Variants in SEC31A observed in about 807,000 individuals in gnomAD.
The protein encoded by SEC31A is SEC31 homolog A, COPII component, also known as protein transport protein Sec31A.
SEC31A carries 70 observed loss-of-function variants against 151.0 expected under a neutral mutation model. That is an observed-to-expected ratio of 0.46 (90% confidence interval 0.38 to 0.57). The LOEUF is 0.57. Ranked by LOEUF, SEC31A falls within the 20% of genes least tolerant of loss-of-function variation. The pLI is 0.00. For synonymous variants in SEC31A, 475 were observed against 505.9 expected, an observed-to-expected ratio of 0.94 and a Z score of 0.82; for missense variants, 1,330 against 1,471.2, an observed-to-expected ratio of 0.90 and a Z score of 1.57.
chr4:82,891,136 C>T lies in SEC31A; in HGVS notation c.-53G>A. 2 of 1,535,954 alleles carry T rather than the reference C, an allele frequency of 1.3e-6. No homozygotes were observed. On this transcript the variant is annotated 5_prime_UTR_variant, in exon 1 of 27. Coordinates refer to ENST00000395310, the MANE Select transcript of SEC31A (RefSeq NM_001077207.4). ...GATCCTGCGTTAGTGCAGCGCTCGT[C>T]GGACTCTCCCAGCATTCGCCGCCGC...
chr4:82,849,144 A>C (rs1193256132), intron 19 of SEC31A, among the ~76,000 whole-genome samples, 167 bp from the exon 20 acceptor site: 1 of 152,100 alleles, frequency 6.6e-6, no homozygotes, highest in Non-Finnish European at 1.5e-5. Flanking sequence ...GCTTTCTACT[A>C]CTCAAGACTG....
chr4:82,867,789 T>C (rs530444824), intron 8 of SEC31A, among the ~76,000 whole-genome samples: 2 of 152,252 alleles, frequency 1.3e-5, no homozygotes, highest in South Asian at 4.1e-4. Context: ...CCCATCATCA[T>C]GCCCGGCTAA....
Position 82,828,673 on chromosome 4 carries a change from C to CAAAAAAAAAAAAAAAAAAAA in SEC31A, c.3027+307_3027+326dup, listed in dbSNP as rs397994259. 7.9e-4 allele frequency among the ~76,000 whole-genome samples: 35 copies of CAAAAAAAAAAAAAAAAAAAA among 44,068 alleles called. 1 individual carries two copies. The highest frequency in any genetic ancestry group is 1.8e-3 in the East Asian group (2 of 1,100). The allele number at this position is 44,068 out of a possible 152,430, so 28.9% of individuals were successfully genotyped here. A position where few individuals can be genotyped will look rare whatever the true frequency, so the allele number is the denominator to read the frequency against. On this transcript the variant is annotated intron_variant, in intron 23 of 26. Transcript: ENST00000395310. ...GTAGAACCCAAAGACCAAAGTAACTCAAAAAAAAAAAAAAAAAAAAAAAAG... is the reference window on the plus strand; with the variant it reads ...GTAGAACCCAAAGACCAAAGTAACTCAAAAAAAAAAAAAAAAAAAAAAAAAAAAAAAAAAAAAAAAAAAAG...
intron 25 of SEC31A, 29 bp from the exon 26 acceptor site, chr4:82,821,137 T>C: frequency 6.4e-7 from 1 of 1,568,182 alleles, no homozygotes; most frequent in Non-Finnish European, 8.8e-7. Context: ...AGATGTTATA[T>C]TTGAACATTA....
chr4:82,867,900 T>A (rs1423132172), intron 8 of SEC31A, among the ~76,000 whole-genome samples: 1 of 152,268 alleles, frequency 6.6e-6, no homozygotes, highest in Non-Finnish European at 1.5e-5. Context: ...CCCAAAGTGC[T>A]GGGATTACAG....
At chr4:82,822,048 T>G (rs1329840247) in intron 25 of SEC31A, among the ~76,000 whole-genome samples, 1 of 152,212 alleles carries the variant, frequency 6.6e-6, no homozygotes, top group African/African-American at 2.4e-5. Flanking sequence ...CATAGCACTG[T>G]AAAGTATAAT....
chr4:82,855,430 GAA>G (rs1443854564), intron 16 of SEC31A, among the ~76,000 whole-genome samples: 1 of 152,188 alleles, frequency 6.6e-6, no homozygotes, highest in Non-Finnish European at 1.5e-5. Context: ...GTTCCAGTGA[GAA>G]AGGAACATGC....
rs561848078 is a variant in SEC31A, at chr4:82,827,731, A to G, written c.3028-99T>C. On this transcript the variant is annotated intron_variant, in intron 23 of 26. Coordinates refer to ENST00000395310, the MANE Select transcript of SEC31A (RefSeq NM_001077207.4). ...AAGGGAGTTAGGTTATACCACGGCT[A>G]AACAAATTTTTTAATAGTAGTAGAA... 1.0e-5 allele frequency: 13 copies of G among 1,239,294 alleles called. No individual in the cohort carries two copies. The South Asian group carries it at 1.8e-4, about 17-fold the overall frequency. 76.8% of individuals were successfully genotyped at this position (1,239,294 alleles called of 1,614,324 possible). A position where few individuals can be genotyped will look rare whatever the true frequency, so the allele number is the denominator to read the frequency against.
At chr4:82,839,366 G>A (rs999689446) in intron 22 of SEC31A, among the ~76,000 whole-genome samples, 6 of 152,214 alleles carry the variant, frequency 3.9e-5, no homozygotes, top group Non-Finnish European at 5.9e-5. Flanking sequence ...GGCCAGGCTG[G>A]TCTTGAACTC....
chr4:82,837,008 C>A (rs1300872880), intron 22 of SEC31A, among the ~76,000 whole-genome samples: 1 of 151,326 alleles, frequency 6.6e-6, no homozygotes, highest in Non-Finnish European at 1.5e-5. Flanking sequence ...GCATTGTATA[C>A]CTGTATCAAA....
At chr4:82,828,859 G>A (rs1384729485) in intron 23 of SEC31A, 141 bp downstream of exon 23, 1 of 563,218 alleles carries the variant, frequency 1.8e-6, no homozygotes, top group African/African-American at 1.9e-5. Context: ...TGGATTAGAA[G>A]GTGCATGTTG....
At chr4:82,819,276 GAA>G (rs1429682735) in intron 26 of SEC31A, 23 bp from the exon 27 acceptor site, 1 of 1,527,632 alleles carries the variant, frequency 6.5e-7, no homozygotes. Context: ...TGAACCAAGA[GAA>G]AGAATTAAAT....
rs1322544547 is a variant in SEC31A at position 82,851,599 on chromosome 4, C to G, written c.2160G>C (p.Leu720=). 1.2e-6 allele frequency: 2 copies of G among 1,607,370 alleles called. No individual in the cohort carries two copies. Among genetic ancestry groups the G allele is most frequent in the Admixed American group, 1.7e-5 (1 of 59,334 alleles). Residue 720 remains leucine, a synonymous_variant, in exon 19 of 27, where the codon CTG becomes CTC. Transcript: ENST00000395310. ...DGSHPLSLQD[L]IEKVVILRKA... ...TTCGCAGGATGACAACTTTCTCAAT[C>G]AGATCCTAAATGAAAAAAATGAGTA... is the stretch of plus-strand genomic sequence containing the variant.
At chr4:82,854,799 T>G (rs1460490069) in intron 17 of SEC31A, 104 bp downstream of exon 17, 2 of 1,200,206 alleles carry the variant, frequency 1.7e-6, no homozygotes, top group Non-Finnish European at 2.2e-6. Context: ...TTTTTGTGAT[T>G]TGTAGATTTT....
At chr4:82,826,376 C>T (rs1212791486) in intron 24 of SEC31A, among the ~76,000 whole-genome samples, 2 of 150,726 alleles carry the variant, frequency 1.3e-5, no homozygotes, top group Non-Finnish European at 1.5e-5. Flanking sequence ...GTTGTTGAGA[C>T]GGAGTCTCGC....
chr4:82,865,204 A>G (rs1190116011), intron 10 of SEC31A, among the ~76,000 whole-genome samples: 1 of 152,214 alleles, frequency 6.6e-6, no homozygotes, highest in Non-Finnish European at 1.5e-5. Context: ...GTTTGGCATG[A>G]AAGAATTAGG....
At chr4:82,856,429 G>A (rs938599375) in intron 16 of SEC31A, among the ~76,000 whole-genome samples, 16 of 151,706 alleles carry the variant, frequency 1.1e-4, no homozygotes, top group Admixed American at 3.9e-4. Context: ...GATCACAGGC[G>A]TGAGCCACTG....
chr4:82,849,999 C>T (rs755561605), intron 19 of SEC31A, among the ~76,000 whole-genome samples: 2 of 151,676 alleles, frequency 1.3e-5, no homozygotes, highest in Non-Finnish European at 2.9e-5. Flanking sequence ...TATTACAATG[C>T]TATCACAAAG....
intron 22 of SEC31A, among the ~76,000 whole-genome samples, chr4:82,841,658 C>T (rs1728906470): frequency 6.7e-6 from 1 of 148,536 alleles, no homozygotes; most frequent in Non-Finnish European, 1.5e-5. Context: ...ACAAAAAAAC[C>T]CCAAAAACAA....
Sources: gnomAD v4.1 joint callset for allele counts (sites outside exome capture counted in the v4.1 genomes callset) on GRCh38, gnomAD v4.1.1 for gene constraint, MANE v1.5 for transcripts, NCBI Gene and HGNC (gene_info 2026-07-23, HGNC 2026-07-21) for gene names.